Variants in COL4A3 observed in about 807,000 individuals in gnomAD.
COL4A3 encodes collagen type IV alpha 3 chain, also known as collagen alpha-3(IV) chain.
In COL4A3, 135 loss-of-function variants were observed where a neutral mutation model predicts 217.4. That is an observed-to-expected ratio of 0.62 (90% CI 0.54 to 0.72). COL4A3 has a LOEUF of 0.72. Ranked by LOEUF, COL4A3 falls within the 30% of genes least tolerant of loss-of-function variation. The pLI, the probability that COL4A3 is intolerant of heterozygous loss-of-function variation, is 0.00. For synonymous variants in COL4A3, 690 were observed against 736.3 expected, an observed-to-expected ratio of 0.94 and a Z score of 1.02; for missense variants, 1,868 against 2,119.9, an observed-to-expected ratio of 0.88 and a Z score of 2.33.
chr2:227,275,442 A>T (rs1397505353), intron 26 of COL4A3, among the ~76,000 whole-genome samples: 1 of 152,084 alleles, frequency 6.6e-6, no homozygotes, highest in African/African-American at 2.4e-5. Context: ...TGGTCTCCCA[A>T]AGTTCTGGGA....
At chr2:227,197,219 G>GT (rs1175751890) in intron 1 of COL4A3, among the ~76,000 whole-genome samples, 7 of 151,494 alleles carry the variant, frequency 4.6e-5, no homozygotes, top group Non-Finnish European at 8.8e-5. Flanking sequence ...GTTTTGTTTT[G>GT]TTTGTTTGTT....
At chr2:227,211,384 T>A (rs190549450) in intron 1 of COL4A3, among the ~76,000 whole-genome samples, 2 of 152,148 alleles carry the variant, frequency 1.3e-5, no homozygotes, top group African/African-American at 4.8e-5. Context: ...CATTCTACCA[T>A]TGGGGCATGC....
At chr2:227,292,996 G>A (rs2072839127) in intron 37 of COL4A3, among the ~76,000 whole-genome samples, 195 bp from the exon 38 acceptor site, 1 of 152,174 alleles carries the variant, frequency 6.6e-6, no homozygotes, top group South Asian at 2.1e-4. Flanking sequence ...AAGGGAAACT[G>A]CATTTTCATT....
intron 1 of COL4A3, among the ~76,000 whole-genome samples, chr2:227,202,948 TATATAC>T (rs2066806511): frequency 2.5e-5 from 1 of 39,984 alleles, no homozygotes; most frequent in Non-Finnish European, 4.2e-5. Flanking sequence ...TATATGTGTA[TATATAC>T]ATATATGTGT....
intron 31 of COL4A3, 87 bp downstream of exon 31, chr2:227,281,093 G>A: frequency 1.2e-6 from 1 of 843,176 alleles, no homozygotes; most frequent in Non-Finnish European, 2.0e-6. Flanking sequence ...CATGGGAACT[G>A]TCCAGCCACA....
At chr2:227,247,647 A>C in intron 8 of COL4A3, 63 bp downstream of exon 8, 1 of 1,478,922 alleles carries the variant, frequency 6.8e-7, no homozygotes, top group Non-Finnish European at 9.5e-7. Context: ...AAGGACGTCT[A>C]TTAAATAATG....
chr2:227,265,415 A>G (rs952532724), intron 21 of COL4A3: 16 of 152,228 alleles, frequency 1.1e-4, no homozygotes, highest in African/African-American at 3.9e-4. Context: ...TTAAATATTT[A>G]CTTTCATCAC....
rs180751612 is a variant in COL4A3, at chr2:227,297,248, G to A, written c.3566-426G>A. ...TCTTATGCTCTAATGAATTATCAGT[G>A]ACTCAACAATGTCAACATGACTAAG... is the stretch of plus-strand genomic sequence containing the variant. On this transcript the variant is annotated intron_variant, in intron 41 of 51. Transcript: ENST00000396578. Among the ~76,000 whole-genome samples the A allele has an allele frequency of 4.6e-5, 7 of 152,274 alleles. No individual in the cohort carries two copies. In the East Asian group the frequency reaches 1.4e-3, roughly 29 times the overall value.
intron 1 of COL4A3, among the ~76,000 whole-genome samples, chr2:227,231,307 TC>T (rs1364305329): frequency 6.6e-6 from 1 of 152,152 alleles, no homozygotes; most frequent in Non-Finnish European, 1.5e-5. Context: ...GCTGGAGGCG[TC>T]CCCCTAGTAT....
intron 1 of COL4A3, among the ~76,000 whole-genome samples, chr2:227,214,544 T>C (rs2067453712): frequency 6.6e-6 from 1 of 152,244 alleles, no homozygotes; most frequent in Non-Finnish European, 1.5e-5. Context: ...CAAATCACTA[T>C]AGAGTGTGCC....
chr2:227,244,248 T>A, intron 3 of COL4A3, 72 bp from the exon 4 acceptor site: 1 of 1,279,006 alleles, frequency 7.8e-7, no homozygotes, highest in South Asian at 1.2e-5. Context: ...TGAGACTGGG[T>A]TTGATGTATG....
chr2:227,262,770 T>G (rs1426354967), intron 20 of COL4A3, among the ~76,000 whole-genome samples: 2 of 152,206 alleles, frequency 1.3e-5, no homozygotes, highest in Non-Finnish European at 2.9e-5. Context: ...AATTTGTTTA[T>G]CGGCTCTAAG....
chr2:227,287,169 C>G (rs1481852597), intron 34 of COL4A3, among the ~76,000 whole-genome samples: 1 of 152,242 alleles, frequency 6.6e-6, no homozygotes. Flanking sequence ...CGTGGTGGCT[C>G]ACGCCTGTAA....
chr2:227,253,406 G>A lies in COL4A3; in HGVS notation c.687+69G>A, dbSNP rs56991885. 7.9e-3 allele frequency: 12,164 copies of A among 1,544,758 alleles called. 110 individuals are homozygous for A. The highest frequency in any genetic ancestry group is 0.042 in the African/African-American group (3,111 of 73,648). ...GTCCCAGAGCATATCAGCCTATACC[G>A]TTTACTTACGGGCCAAGCTGAAATT... On this transcript the variant is annotated intron_variant, in intron 12 of 51. Transcript: ENST00000396578. This position sits in a 1 kb window ranked among gnomAD's most constrained non-coding sequence, Gnocchi z 4.4.
At chr2:227,183,819 G>C (rs1000979443) in intron 1 of COL4A3, among the ~76,000 whole-genome samples, 1 of 152,290 alleles carries the variant, frequency 6.6e-6, no homozygotes, top group Admixed American at 6.5e-5. Context: ...CCTAAGCCAA[G>C]CCAGTCAAGT....
intron 1 of COL4A3, among the ~76,000 whole-genome samples, chr2:227,194,186 T>A (rs929140902): frequency 3.3e-5 from 5 of 152,130 alleles, no homozygotes; most frequent in African/African-American, 1.2e-4. Flanking sequence ...AGCATCCCAA[T>A]AAGAAACCCA....
At position 227,282,333 on chromosome 2, in the gene COL4A3, GTTAA is replaced by G. The variant is rs2072035605; in HGVS notation, c.2489-25_2489-22del. Reference sequence around the variant, plus strand: ...AGTTAGTAGGGGAAAGCATTTGTGGGTTAATTAATTCATTCATTTATTCGTACAC... The same window carrying G: ...AGTTAGTAGGGGAAAGCATTTGTGGGTTAATTCATTCATTTATTCGTACAC... On this transcript the variant is annotated intron_variant, in intron 31 of 51. Coordinates refer to ENST00000396578, the MANE Select transcript of COL4A3 (RefSeq NM_000091.5). The surrounding 1 kb of genome is among the most constrained non-coding windows in gnomAD (Gnocchi z 4.4). 7.7e-6 allele frequency: 12 copies of G among 1,566,280 alleles called. No homozygotes were observed. The highest frequency in any genetic ancestry group is 4.1e-5 in the African/African-American group (3 of 72,318).
intron 1 of COL4A3, among the ~76,000 whole-genome samples, chr2:227,173,013 A>C (rs1449510783): frequency 1.3e-5 from 2 of 152,148 alleles, no homozygotes; most frequent in African/African-American, 4.8e-5. Flanking sequence ...GCTTCAACCT[A>C]GGAATTTAGA....
At chr2:227,181,301 T>C (rs982248353) in intron 1 of COL4A3, among the ~76,000 whole-genome samples, 5 of 152,224 alleles carry the variant, frequency 3.3e-5, no homozygotes, top group African/African-American at 1.2e-4. Flanking sequence ...GTTGGCTGCA[T>C]CAGGGTCGGC....
Sources: allele counts gnomAD v4.1 joint callset (sites outside exome capture counted in the v4.1 genomes callset), GRCh38; gene constraint gnomAD v4.1.1; non-coding constraint Gnocchi (gnomAD v3.1); transcripts MANE v1.5; gene names NCBI Gene and HGNC (gene_info 2026-07-23, HGNC 2026-07-21).